RNLS: variants seen among roughly 807,000 people sequenced by gnomAD.
The protein encoded by RNLS is renalase.
In RNLS, 39 loss-of-function variants were observed where a neutral mutation model predicts 39.8. The ratio of observed to expected loss-of-function variants is 0.98; its 90% CI spans 0.76 to 1.28. The LOEUF (loss-of-function observed/expected upper bound fraction) is 1.28. RNLS is among the 50% of genes most tolerant of loss of function. RNLS has a pLI of 0.00. For synonymous variants in RNLS, 147 were observed against 150.7 expected (o/e 0.98, Z 0.18); for missense variants, 410 against 413.3 (o/e 0.99, Z 0.07).
chr10:88,374,143 T>G (rs1174805589), intron 4 of RNLS, among the ~76,000 whole-genome samples: 1 of 152,010 alleles, frequency 6.6e-6, no homozygotes, highest in East Asian at 1.9e-4. Flanking sequence ...TAAAATGGCC[T>G]TAACTGGTAT....
At chr10:88,309,893 A>G (rs1352975139) in intron 6 of RNLS, among the ~76,000 whole-genome samples, 2 of 152,148 alleles carry the variant, frequency 1.3e-5, no homozygotes, top group Non-Finnish European at 2.9e-5. Flanking sequence ...TCTATAAGAG[A>G]TACCAGTAAA....
intron 4 of RNLS, among the ~76,000 whole-genome samples, chr10:88,471,383 GT>G (rs1843512645): frequency 1.3e-5 from 2 of 152,154 alleles, no homozygotes; most frequent in African/African-American, 4.8e-5. Context: ...CCCATTTTAA[GT>G]TTTGCTAACA....
intron 4 of RNLS, among the ~76,000 whole-genome samples, chr10:88,492,974 A>T (rs1844969376): frequency 6.6e-6 from 1 of 152,196 alleles, no homozygotes; most frequent in Non-Finnish European, 1.5e-5. Context: ...GACAAAATGT[A>T]TGAAATTATT....
chr10:88,474,615 A>G (rs1393810942), intron 4 of RNLS, among the ~76,000 whole-genome samples: 2 of 152,170 alleles, frequency 1.3e-5, no homozygotes, highest in Non-Finnish European at 2.9e-5. Flanking sequence ...CTTTTGAGTA[A>G]ACAAAAAGGT....
At chr10:88,343,915 G>T in intron 5 of RNLS, 1 of 650,024 alleles carries the variant, frequency 1.5e-6, no homozygotes, top group Non-Finnish European at 1.9e-6. Context: ...TCTCACTGGA[G>T]TTCTCCTTCC....
chr10:88,238,107 T>C, the RNLS span, among the ~76,000 whole-genome samples: 1 of 152,364 alleles, frequency 6.6e-6, no homozygotes, highest in South Asian at 2.1e-4. Flanking sequence ...TTCTCATATT[T>C]ATCAGCCAAC....
At chr10:88,235,547 A>G in the RNLS span, among the ~76,000 whole-genome samples, 1 of 152,186 alleles carries the variant, frequency 6.6e-6, no homozygotes, top group Non-Finnish European at 1.5e-5. Context: ...TAATATTATC[A>G]TATCAACTTC....
the RNLS span, among the ~76,000 whole-genome samples, chr10:88,184,306 C>T: frequency 6.6e-6 from 1 of 152,110 alleles, no homozygotes; most frequent in South Asian, 2.1e-4. Flanking sequence ...ATCACTCACT[C>T]CCTGTAATAC....
chr10:88,228,523 C>T, the RNLS span, among the ~76,000 whole-genome samples: 41 of 152,282 alleles, frequency 2.7e-4, no homozygotes, highest in African/African-American at 7.9e-4. Flanking sequence ...GTGCCTGGAA[C>T]GGGAGTAGAA....
At chr10:88,318,325 C>T (rs2133076099) in intron 5 of RNLS, among the ~76,000 whole-genome samples, 1 of 152,248 alleles carries the variant, frequency 6.6e-6, no homozygotes, top group Non-Finnish European at 1.5e-5. Flanking sequence ...TCCCTTGGGA[C>T]AAAGGAAATG....
intron 4 of RNLS, among the ~76,000 whole-genome samples, chr10:88,501,204 T>C (rs935224079): frequency 5.3e-5 from 8 of 152,114 alleles, no homozygotes; most frequent in Non-Finnish European, 1.0e-4. Flanking sequence ...AGGAAACTGA[T>C]TTGATCACCT....
chr10:88,474,793 C>G (rs1021255131), intron 4 of RNLS, among the ~76,000 whole-genome samples: 1 of 152,074 alleles, frequency 6.6e-6, no homozygotes, highest in African/African-American at 2.4e-5. Context: ...AATGAAGTAA[C>G]ATATGCCAAG....
intron 6 of RNLS, among the ~76,000 whole-genome samples, chr10:88,295,843 A>G (rs1458400092): frequency 6.6e-6 from 1 of 152,216 alleles, no homozygotes; most frequent in Non-Finnish European, 1.5e-5. Context: ...CATTGACTCT[A>G]TTTAGATCTA....
At chr10:88,313,008 T>C (rs977554437) in intron 6 of RNLS, among the ~76,000 whole-genome samples, 1 of 152,204 alleles carries the variant, frequency 6.6e-6, no homozygotes, top group African/African-American at 2.4e-5. Context: ...ACTTCATGAC[T>C]TCAGAGTCGT....
chr10:88,401,360 A>T (rs886806762), intron 4 of RNLS, among the ~76,000 whole-genome samples: 2 of 152,094 alleles, frequency 1.3e-5, no homozygotes, highest in East Asian at 3.9e-4. Context: ...CCTAGAAAAC[A>T]TTGGACTAGT....
At chr10:88,396,634 A>G (rs1195867691) in intron 4 of RNLS, among the ~76,000 whole-genome samples, 3 of 151,414 alleles carry the variant, frequency 2.0e-5, no homozygotes, top group Non-Finnish European at 4.4e-5. Context: ...CATAAATCCT[A>G]TCTTATCAGG....
rs565937212 is a variant in RNLS, at chr10:88,440,347, G to GTAGTC, written c.527-77627_527-77623dup. On this transcript the variant is annotated intron_variant, in intron 4 of 6. Coordinates refer to ENST00000331772, the MANE Select transcript of RNLS (RefSeq NM_001031709.3). ...ATACTCCTCCAATCAAAGCACTAGA[G>GTAGTC]TAGTCACTGACTTCAATTACCAGCA... Among the ~76,000 whole-genome samples the GTAGTC allele has an allele frequency of 1.1e-4, 16 of 152,314 alleles. No individual in the cohort carries two copies. In the South Asian group the frequency reaches 2.9e-3, roughly 28 times the overall value.
chr10:88,538,008 A>G (rs1323094057), intron 4 of RNLS, among the ~76,000 whole-genome samples: 5 of 152,204 alleles, frequency 3.3e-5, no homozygotes, highest in African/African-American at 1.2e-4. Context: ...AACTTTTTGT[A>G]CTTGTGAAAT....
intron 4 of RNLS, among the ~76,000 whole-genome samples, chr10:88,408,212 C>G (rs531677849): frequency 9.9e-5 from 15 of 152,114 alleles, no homozygotes; most frequent in Non-Finnish European, 1.9e-4. Context: ...AATGTGAAAG[C>G]TTTTATTTCT....
Sources: allele counts gnomAD v4.1 joint callset (sites outside exome capture counted in the v4.1 genomes callset), GRCh38; gene constraint gnomAD v4.1.1; transcripts MANE v1.5; gene names NCBI Gene and HGNC (gene_info 2026-07-23, HGNC 2026-07-21).